ADK: variants seen among roughly 807,000 people sequenced by gnomAD.
The protein encoded by ADK is N6,N6-dimethyladenosine kinase.
ADK carries 24 observed loss-of-function variants against 44.7 expected under a neutral mutation model. The ratio of observed to expected loss-of-function variants is 0.54; its 90% confidence interval spans 0.39 to 0.76. ADK has a LOEUF of 0.76. ADK is among the 30% of genes least tolerant of loss of function. ADK has a pLI of 0.00. For missense variants in ADK, 321 were observed against 425.1 expected, an observed-to-expected ratio of 0.76 and a Z score of 2.15; for synonymous variants, 128 against 142.6, an observed-to-expected ratio of 0.90 and a Z score of 0.73.
chr10:74,702,866 G>A (rs1708428679), intron 10 of ADK, among the ~76,000 whole-genome samples: 1 of 152,054 alleles, frequency 6.6e-6, no homozygotes, highest in African/African-American at 2.4e-5. Flanking sequence ...CAAAGTGTTG[G>A]GATTACACGT....
intron 10 of ADK, among the ~76,000 whole-genome samples, chr10:74,694,073 A>C (rs1856082377): frequency 6.6e-6 from 1 of 151,294 alleles, no homozygotes; most frequent in African/African-American, 2.4e-5. Flanking sequence ...CTTATTATAG[A>C]ATATTTAAAA....
chr10:74,429,451 A>G (rs1844905527), intron 6 of ADK, among the ~76,000 whole-genome samples: 1 of 152,242 alleles, frequency 6.6e-6, no homozygotes, highest in African/African-American at 2.4e-5. Flanking sequence ...CATGAAAAAG[A>G]TGGTTAGAAT....
At chr10:74,504,520 GTATAT>G (rs754257288) in intron 6 of ADK, among the ~76,000 whole-genome samples, 2 of 152,100 alleles carry the variant, frequency 1.3e-5, no homozygotes, top group South Asian at 2.1e-4. Flanking sequence ...CATGTATTTT[GTATAT>G]TATATGTATT....
At chr10:74,702,024 C>A (rs1284575891) in intron 10 of ADK, among the ~76,000 whole-genome samples, 2 of 151,934 alleles carry the variant, frequency 1.3e-5, no homozygotes, top group Non-Finnish European at 2.9e-5. Context: ...GAGGTAGGCT[C>A]TTGTTTATGG....
intron 3 of ADK, among the ~76,000 whole-genome samples, chr10:74,248,210 T>G (rs1019082939): frequency 6.6e-6 from 1 of 152,178 alleles, no homozygotes; most frequent in Non-Finnish European, 1.5e-5. Flanking sequence ...TTTCTAGTAG[T>G]AAAGAAATAC....
intron 9 of ADK, among the ~76,000 whole-genome samples, chr10:74,614,283 C>T (rs1290249252): frequency 1.3e-5 from 2 of 151,932 alleles, no homozygotes; most frequent in South Asian, 2.1e-4. Flanking sequence ...CAGATATAAG[C>T]CCTATTATAG....
chr10:74,588,849 A>G (rs1358265091), intron 7 of ADK, among the ~76,000 whole-genome samples: 1 of 152,126 alleles, frequency 6.6e-6, no homozygotes, highest in Non-Finnish European at 1.5e-5. Context: ...TGCCTGCATA[A>G]ATTTCGTTAT....
rs1478365403 is a variant in ADK, at chr10:74,314,576, TTG to T, written c.195-87_195-86del. On this transcript the variant is annotated intron_variant, in intron 3 of 10. Transcript: ENST00000539909. ...TTAAACAATAAAAACATTTTACTAT[TTG>T]TGTTTTAATACTCTTCTGCTCAGAA... 5.2e-6 allele frequency: 4 copies of T among 765,598 alleles called. No homozygotes were observed. In the African/African-American group the frequency reaches 6.9e-5, roughly 13 times the overall value. The allele number at this position is 765,598 out of a possible 1,614,324, so 47.4% of individuals were successfully genotyped here. A position where few individuals can be genotyped will look rare whatever the true frequency, so the allele number is the denominator to read the frequency against.
chr10:74,377,929 A>C (rs527632811), intron 4 of ADK, among the ~76,000 whole-genome samples: 2 of 152,156 alleles, frequency 1.3e-5, no homozygotes, highest in African/African-American at 4.8e-5. Context: ...TCTCACAAAT[A>C]TCTAATAAAA....
At chr10:74,212,992 G>A (rs72816394) in intron 2 of ADK, among the ~76,000 whole-genome samples, 1,540 of 152,308 alleles carry the variant, frequency 0.01, 10 homozygotes, top group Admixed American at 0.014. Context: ...ATATGGAAGA[G>A]GGGCTTGAAA....
At position 74,259,517 on chromosome 10, in the gene ADK, C is replaced by T. The variant is rs1442393352; in HGVS notation, c.194+34926C>T. Reference sequence around the variant, plus strand: ...TGTCACCCAGGCTGGAGTGCAGTGGCGCGATCTCGGCTCACCGCAAGCTCC... The same window carrying T: ...TGTCACCCAGGCTGGAGTGCAGTGGTGCGATCTCGGCTCACCGCAAGCTCC... On this transcript the variant is annotated intron_variant, in intron 3 of 10. Transcript: ENST00000539909. Among the ~76,000 whole-genome samples the T allele has an allele frequency of 7.9e-5, 11 of 139,000 alleles. No individual in the cohort carries two copies. In the Middle Eastern group the frequency reaches 0.022, roughly 280 times the overall value. The allele number at this position is 139,000 out of a possible 152,430, so 91.2% of individuals were successfully genotyped here. A position where few individuals can be genotyped will look rare whatever the true frequency, so the allele number is the denominator to read the frequency against.
At chr10:74,219,627 C>T (rs931129843) in intron 2 of ADK, among the ~76,000 whole-genome samples, 8 of 152,040 alleles carry the variant, frequency 5.3e-5, no homozygotes, top group African/African-American at 1.2e-4. Flanking sequence ...AAGTAAAGCT[C>T]TCCTCAGCAA....
chr10:74,307,125 C>T (rs539190292), intron 3 of ADK, among the ~76,000 whole-genome samples: 3 of 152,252 alleles, frequency 2.0e-5, no homozygotes, highest in East Asian at 1.9e-4. Context: ...AAATGTGCCA[C>T]GGATCCTTAT....
intron 7 of ADK, among the ~76,000 whole-genome samples, chr10:74,574,095 G>A (rs1851082159): frequency 6.6e-6 from 1 of 152,088 alleles, no homozygotes. Context: ...CACGTTTTCT[G>A]CGTCGCTCAC....
rs919652530 is a variant in ADK at position 74,620,093 on chromosome 10, C to G, written c.877+19600C>G. On this transcript the variant is annotated intron_variant, in intron 9 of 10. Coordinates refer to ENST00000539909, the MANE Select transcript of ADK (RefSeq NM_006721.4). ...CAATTAGCATATCCATCATCTCAAA[C>G]ATTTATCATTTCTTTGTATTGTGAA... Among the ~76,000 whole-genome samples the G allele has an allele frequency of 2.6e-5, 4 of 152,298 alleles. No individual in the cohort carries two copies. The East Asian group carries it at 7.7e-4, about 29-fold the overall frequency.
chr10:74,209,112 G>A (rs939142745), intron 2 of ADK, among the ~76,000 whole-genome samples: 41 of 152,172 alleles, frequency 2.7e-4, no homozygotes, highest in African/African-American at 9.7e-4. Context: ...TATCCCCAGT[G>A]TAGCAGTATA....
At chr10:74,415,996 A>G (rs938950674) in intron 6 of ADK, among the ~76,000 whole-genome samples, 12 of 149,572 alleles carry the variant, frequency 8.0e-5, no homozygotes, top group African/African-American at 1.2e-4. Flanking sequence ...ATAAATATAT[A>G]TATACATACA....
At chr10:74,633,539 A>G (rs948694333) in intron 9 of ADK, among the ~76,000 whole-genome samples, 4 of 152,226 alleles carry the variant, frequency 2.6e-5, no homozygotes, top group African/African-American at 7.2e-5. Context: ...ATTACCACTC[A>G]ACTCAACAAT....
chr10:74,660,182 G>A (rs1854648345), intron 9 of ADK, among the ~76,000 whole-genome samples: 1 of 152,124 alleles, frequency 6.6e-6, no homozygotes. Flanking sequence ...AGGCTGGAGT[G>A]CAGCAGCACT....
Sources: gnomAD v4.1 joint callset for allele counts (sites outside exome capture counted in the v4.1 genomes callset) on GRCh38, gnomAD v4.1.1 for gene constraint, MANE v1.5 for transcripts, NCBI Gene and HGNC (gene_info 2026-07-23, HGNC 2026-07-21) for gene names.